Variants in SPECC1 observed in about 807,000 individuals in gnomAD.
The protein encoded by SPECC1 is sperm antigen with calponin homology and coiled-coil domains 1.
Under a neutral mutation model 104.1 loss-of-function variants are expected in SPECC1, and 62 were observed. The ratio of observed to expected loss-of-function variants is 0.60; its 90% CI spans 0.49 to 0.74. The LOEUF (loss-of-function observed/expected upper bound fraction) is 0.74. Ranked by LOEUF, SPECC1 falls within the 30% of genes least tolerant of loss-of-function variation. SPECC1 has a pLI of 0.00. For missense variants in SPECC1, 1,306 were observed against 1,310.5 expected (o/e 1.00, Z 0.05); for synonymous variants, 513 against 501.6 (o/e 1.02, Z -0.30).
intron 2 of SPECC1, among the ~76,000 whole-genome samples, chr17:20,106,450 C>G (rs545292878): frequency 6.6e-6 from 1 of 152,266 alleles, no homozygotes; most frequent in African/African-American, 2.4e-5. Flanking sequence ...TCTGGATTAA[C>G]TCAAGTGTCA....
intron 1 of SPECC1, chr17:20,057,571 G>A (rs75048432): frequency 0.12 from 18,823 of 152,228 alleles, 1,157 homozygotes; most frequent in Non-Finnish European, 0.13. Context: ...GCTCACTGCA[G>A]TCTTGATCTC....
intron 1 of SPECC1, among the ~76,000 whole-genome samples, chr17:20,064,988 T>C (rs2046311466): frequency 6.6e-6 from 1 of 152,214 alleles, no homozygotes; most frequent in African/African-American, 2.4e-5. Context: ...GCAGTTATAG[T>C]CAGACTTTAT....
In SPECC1 at chr17:20,306,169, A is replaced by G. The variant is rs1426359235; in HGVS notation, c.3117+87A>G. ...TCTGATAAACAGTTTCTCGTAGAAC[A>G]TTGACATCTGTTTGCCGAAAGTCTG... is the stretch of plus-strand genomic sequence containing the variant. On this transcript the variant is annotated intron_variant, in intron 14 of 14. Transcript: ENST00000395527. 1.0e-5 allele frequency: 13 copies of G among 1,284,558 alleles called. No individual in the cohort carries two copies. The East Asian group carries it at 2.8e-4, about 28-fold the overall frequency. 79.6% of individuals were successfully genotyped at this position (1,284,558 alleles called of 1,614,324 possible).
At chr17:20,313,351 C>T (rs2142253616) in intron 14 of SPECC1, among the ~76,000 whole-genome samples, 1 of 152,304 alleles carries the variant, frequency 6.6e-6, no homozygotes, top group East Asian at 1.9e-4. Flanking sequence ...TTGTGATAAT[C>T]CCACTCAGTA....
chr17:20,312,528 T>C (rs1048548279), intron 14 of SPECC1, among the ~76,000 whole-genome samples: 2 of 152,214 alleles, frequency 1.3e-5, no homozygotes, highest in Admixed American at 6.5e-5. Context: ...CTCTTGTGTT[T>C]GTAGGTATCC....
chr17:20,063,469 C>T (rs1597636461), intron 1 of SPECC1, among the ~76,000 whole-genome samples: 1 of 152,172 alleles, frequency 6.6e-6, no homozygotes, highest in Non-Finnish European at 1.5e-5. Flanking sequence ...CCTTTCAAAG[C>T]ATCAGCTTTT....
chr17:20,226,173 G>A (rs2038192231), intron 4 of SPECC1, among the ~76,000 whole-genome samples: 1 of 152,026 alleles, frequency 6.6e-6, no homozygotes, highest in African/African-American at 2.4e-5. Context: ...TGTAGAAAAG[G>A]GACAATGATG....
chr17:20,123,315 G>A (rs2049128318), intron 3 of SPECC1, among the ~76,000 whole-genome samples: 1 of 152,162 alleles, frequency 6.6e-6, no homozygotes, highest in Non-Finnish European at 1.5e-5. Flanking sequence ...AAATGTGAAG[G>A]GCTAGTTTTA....
chr17:20,043,155 G>C (rs541440290), intron 1 of SPECC1, among the ~76,000 whole-genome samples: 12 of 152,288 alleles, frequency 7.9e-5, no homozygotes, highest in African/African-American at 2.9e-4. Context: ...CTTGTGATTA[G>C]CTTCAAACAG....
chr17:20,305,202 A>C (rs912776479), intron 13 of SPECC1, among the ~76,000 whole-genome samples: 2 of 152,042 alleles, frequency 1.3e-5, no homozygotes, highest in East Asian at 3.9e-4. Flanking sequence ...CTAGTCAGAG[A>C]GCGCCGAGGA....
chr17:20,031,705 A>G (rs993388707), intron 1 of SPECC1, among the ~76,000 whole-genome samples: 1 of 152,074 alleles, frequency 6.6e-6, no homozygotes, highest in African/African-American at 2.4e-5. Flanking sequence ...TTTACTTTCT[A>G]TCTCTGAATT....
chr17:20,167,488 G>A (rs564360462), intron 3 of SPECC1, among the ~76,000 whole-genome samples: 1 of 152,204 alleles, frequency 6.6e-6, no homozygotes, highest in South Asian at 2.1e-4. Flanking sequence ...AGACCAGCCT[G>A]ACCATCATGG....
chr17:20,016,409 T>C (rs1267540683), intron 1 of SPECC1, among the ~76,000 whole-genome samples: 1 of 152,162 alleles, frequency 6.6e-6, no homozygotes. Context: ...TGGGAGCCCC[T>C]TTCTGGGCTG....
rs754940074 is a variant in SPECC1 at position 20,281,863 on chromosome 17, G to A, written c.2941-15098G>A. On this transcript the variant is annotated intron_variant, in intron 12 of 14. Coordinates refer to ENST00000395527, the MANE Select transcript of SPECC1 (RefSeq NM_001243439.2). Reference sequence around the variant, plus strand: ...CCCAGAGGCCTGAGCATGGTCCTAGGGGTCAGAAGATGGCAGGGAATCATC... The same window carrying A: ...CCCAGAGGCCTGAGCATGGTCCTAGAGGTCAGAAGATGGCAGGGAATCATC... 3.0e-4 allele frequency among the ~76,000 whole-genome samples: 45 copies of A among 152,242 alleles called. 1 individual carries two copies. Among genetic ancestry groups the A allele is most frequent in the Non-Finnish European group, 5.9e-5 (4 of 68,044 alleles).
chr17:20,120,204 C>T (rs1245706721), intron 3 of SPECC1, among the ~76,000 whole-genome samples: 4 of 152,036 alleles, frequency 2.6e-5, no homozygotes, highest in Non-Finnish European at 5.9e-5. Context: ...GCCAACATGG[C>T]GAAACCCCTT....
At chr17:20,033,180 TCTCGAACTCCTGA>T (rs1289601968) in intron 1 of SPECC1, among the ~76,000 whole-genome samples, 1 of 152,060 alleles carries the variant, frequency 6.6e-6, no homozygotes, top group African/African-American at 2.4e-5. Context: ...GCCAGGCTGG[TCTCGAACTCCTGA>T]CCTAGGGTGA....
chr17:20,123,200 G>A (rs924442387), intron 3 of SPECC1, among the ~76,000 whole-genome samples: 2 of 152,190 alleles, frequency 1.3e-5, no homozygotes, highest in African/African-American at 2.4e-5. Flanking sequence ...TTAAAACCAC[G>A]AGACATGGAA....
At chr17:20,116,183 T>G (rs2070136587) in intron 3 of SPECC1, among the ~76,000 whole-genome samples, 1 of 152,062 alleles carries the variant, frequency 6.6e-6, no homozygotes. Flanking sequence ...CGCCTCCCAG[T>G]TTCACGCCAT....
chr17:20,266,233 G>A (rs1338611949), intron 12 of SPECC1, among the ~76,000 whole-genome samples: 1 of 152,098 alleles, frequency 6.6e-6, no homozygotes. Context: ...ATTTATTTGT[G>A]TCATAGCTGG....
Sources: gnomAD v4.1 joint callset for allele counts (sites outside exome capture counted in the v4.1 genomes callset) on GRCh38, gnomAD v4.1.1 for gene constraint, MANE v1.5 for transcripts, NCBI Gene and HGNC (gene_info 2026-07-23, HGNC 2026-07-21) for gene names.